The following DPH6 variants were observed in gnomAD, a reference collection of about 807,000 sequenced individuals.
DPH6 encodes the protein diphthine--ammonia ligase.
A neutral mutation model predicts 38.2 loss-of-function variants in DPH6; 33 were observed. The observed-to-expected ratio is 0.86, with a 90% CI of 0.65 to 1.15. The LOEUF (loss-of-function observed/expected upper bound fraction) is 1.15. Among genes scored for constraint, DPH6 ranks in the 50% most tolerant of loss-of-function variants. The pLI, the probability that DPH6 is intolerant of heterozygous loss-of-function variation, is 0.00. For synonymous variants in DPH6, 108 were observed against 103.0 expected (o/e 1.05, Z -0.30); for missense variants, 325 against 320.0 (o/e 1.02, Z -0.12).
At chr15:35,448,993 TTTTTTGCTTAAATCCAAAAAAAGTCCC>T (rs1189962904) in intron 5 of DPH6, among the ~76,000 whole-genome samples, 1 of 130,628 alleles carries the variant, frequency 7.7e-6, no homozygotes, top group Non-Finnish European at 1.6e-5. Flanking sequence ...CATTTTTTTT[TTTTTTGCTTAAATCCAAAAAAAGTCCC>T]TTTTTTTTGG....
At chr15:35,485,213 T>C (rs1320628162) in intron 3 of DPH6, among the ~76,000 whole-genome samples, 2 of 152,126 alleles carry the variant, frequency 1.3e-5, no homozygotes, top group Non-Finnish European at 2.9e-5. Context: ...AAAAGTTCCA[T>C]GGGTGGTAGA....
intron 6 of DPH6, among the ~76,000 whole-genome samples, chr15:35,399,991 G>A (rs2053195549): frequency 6.6e-6 from 1 of 152,198 alleles, no homozygotes. Flanking sequence ...AGTATTATGA[G>A]CACATGCTCC....
At chr15:35,451,786 G>A (rs535715790) in intron 4 of DPH6, among the ~76,000 whole-genome samples, 125 of 152,262 alleles carry the variant, frequency 8.2e-4, no homozygotes, top group Non-Finnish European at 1.6e-3. Flanking sequence ...CAAGGCGGGT[G>A]GATCACGAGG....
chr15:35,447,229 C>T (rs1297211639), intron 5 of DPH6, among the ~76,000 whole-genome samples: 1 of 152,156 alleles, frequency 6.6e-6, no homozygotes, highest in Non-Finnish European at 1.5e-5. Flanking sequence ...GTTCTCTCAA[C>T]ATCAGTTAGG....
intron 3 of DPH6, among the ~76,000 whole-genome samples, chr15:35,473,943 TGTGTGTGTGTGTGTGCGC>T (rs766733706): frequency 5.6e-5 from 6 of 106,758 alleles, no homozygotes; most frequent in African/African-American, 1.1e-4. Context: ...TGTGTGTGTG[TGTGTGTGTGTGTGTGCGC>T]GCGCGCGCGT....
At chr15:35,408,885 T>C (rs2053328706) in intron 6 of DPH6, among the ~76,000 whole-genome samples, 1 of 151,984 alleles carries the variant, frequency 6.6e-6, no homozygotes. Flanking sequence ...ATAACACTTC[T>C]AAATATTTTG....
chr15:35,339,360 TG>T (rs1185210235), intron 3 of DPH6, among the ~76,000 whole-genome samples: 2 of 151,686 alleles, frequency 1.3e-5, no homozygotes, highest in African/African-American at 4.9e-5. Context: ...AGTTTCGCTC[TG>T]TCACCCAGGC....
intron 3 of DPH6, among the ~76,000 whole-genome samples, chr15:35,247,290 T>C (rs933054419): frequency 2.6e-5 from 4 of 152,204 alleles, no homozygotes; most frequent in African/African-American, 9.7e-5. Flanking sequence ...CTGCTTCTCT[T>C]ACTGCCACAG....
At chr15:35,290,272 T>G (rs968452257) in intron 3 of DPH6, among the ~76,000 whole-genome samples, 1 of 152,242 alleles carries the variant, frequency 6.6e-6, no homozygotes, top group Non-Finnish European at 1.5e-5. Context: ...TCTTTAGCTT[T>G]CTACTTTACT....
chr15:35,524,079 CTT>C (rs538781607), intron 3 of DPH6, among the ~76,000 whole-genome samples: 1 of 145,820 alleles, frequency 6.9e-6, no homozygotes, highest in African/African-American at 2.5e-5. Context: ...TTATAAACCA[CTT>C]TTTTTTTTTA....
chr15:35,470,575 T>C (rs2054186194), intron 3 of DPH6, among the ~76,000 whole-genome samples: 1 of 152,144 alleles, frequency 6.6e-6, no homozygotes, highest in African/African-American at 2.4e-5. Flanking sequence ...AGGAGAAAGG[T>C]AACACGTTTG....
chr15:35,406,471 T>C (rs897258689), intron 6 of DPH6, among the ~76,000 whole-genome samples: 3 of 151,944 alleles, frequency 2.0e-5, no homozygotes, highest in Admixed American at 6.6e-5. Context: ...GATGGGACTG[T>C]GGACAATTGA....
intron 6 of DPH6, chr15:35,401,032 C>T (rs2053212050): frequency 3.4e-6 from 3 of 891,032 alleles, no homozygotes; most frequent in African/African-American, 1.6e-5. Flanking sequence ...AAAGAAGACA[C>T]AGAAGAACAT....
intron 3 of DPH6, among the ~76,000 whole-genome samples, chr15:35,259,068 C>T (rs770243293): frequency 4.0e-4 from 61 of 151,602 alleles, no homozygotes; most frequent in Non-Finnish European, 8.4e-4. Context: ...TCGCTTGAAC[C>T]CAGGAGGTGG....
At chr15:35,498,442 A>G (rs1285082836) in intron 3 of DPH6, among the ~76,000 whole-genome samples, 2 of 152,096 alleles carry the variant, frequency 1.3e-5, no homozygotes, top group Non-Finnish European at 2.9e-5. Context: ...TATTACCATA[A>G]AAAACAGATT....
chr15:35,225,640 C>T (rs2051475384), intron 3 of DPH6, among the ~76,000 whole-genome samples: 1 of 152,114 alleles, frequency 6.6e-6, no homozygotes, highest in African/African-American at 2.4e-5. Flanking sequence ...GCCCCAGATA[C>T]AGAATCAGCC....
At chr15:35,409,179 G>A (rs1216653612) in intron 6 of DPH6, among the ~76,000 whole-genome samples, 2 of 151,680 alleles carry the variant, frequency 1.3e-5, no homozygotes, top group Admixed American at 6.6e-5. Context: ...AAATTAGTAG[G>A]GGTGGTGCTG....
At chr15:35,384,359 C>G (rs1001831649) in intron 6 of DPH6, among the ~76,000 whole-genome samples, 2 of 152,140 alleles carry the variant, frequency 1.3e-5, no homozygotes, top group African/African-American at 4.8e-5. Flanking sequence ...TTCATGCCAT[C>G]TATTCTTTCA....
At chr15:35,536,889 T>C (rs1034602576) in intron 3 of DPH6, among the ~76,000 whole-genome samples, 2 of 152,076 alleles carry the variant, frequency 1.3e-5, no homozygotes, top group Non-Finnish European at 2.9e-5. Flanking sequence ...TTCTACCTTG[T>C]TTGATAATCA....
Sources: gnomAD v4.1 joint callset for allele counts (sites outside exome capture counted in the v4.1 genomes callset) on GRCh38, gnomAD v4.1.1 for gene constraint, MANE v1.5 for transcripts, NCBI Gene and HGNC (gene_info 2026-07-23, HGNC 2026-07-21) for gene names.